Variants in GRM7 observed in about 807,000 individuals in gnomAD.
GRM7 encodes metabotropic glutamate receptor 7.
A neutral mutation model predicts 84.5 loss-of-function variants in GRM7; 35 were observed. The ratio of observed to expected loss-of-function variants is 0.41; its 90% CI spans 0.32 to 0.55. GRM7 has a LOEUF of 0.55. Among genes scored for constraint, GRM7 ranks in the 20% least tolerant of loss-of-function variants. The pLI is 0.19. For missense variants in GRM7, 1,003 were observed against 1,194.6 expected (o/e 0.84, Z 2.36); for synonymous variants, 487 against 455.1 (o/e 1.07, Z -0.89).
chr3:7,273,013 G>C (rs1185346473), intron 2 of GRM7, among the ~76,000 whole-genome samples: 1 of 151,748 alleles, frequency 6.6e-6, no homozygotes, highest in Non-Finnish European at 1.5e-5. Flanking sequence ...GACTGTGTTA[G>C]CTTCATCCCA....
At chr3:7,379,240 T>A (rs1013955281) in intron 4 of GRM7, among the ~76,000 whole-genome samples, 2 of 151,906 alleles carry the variant, frequency 1.3e-5, no homozygotes, top group African/African-American at 4.8e-5. Context: ...GCCAAGCTAA[T>A]TTTTTTTGTA....
chr3:7,636,260 G>A (rs1411138572), intron 8 of GRM7: 3 of 456,600 alleles, frequency 6.6e-6, no homozygotes, highest in Non-Finnish European at 1.3e-5. Flanking sequence ...CAGGTCTCAG[G>A]CTTTCCCTGA....
At chr3:7,056,025 T>C (rs1015595576) in intron 1 of GRM7, among the ~76,000 whole-genome samples, 2 of 151,926 alleles carry the variant, frequency 1.3e-5, no homozygotes, top group African/African-American at 4.8e-5. Context: ...ATTCACAGTT[T>C]ATTGTGAGGC....
At chr3:7,218,891 G>A (rs1696703137) in intron 2 of GRM7, among the ~76,000 whole-genome samples, 1 of 151,988 alleles carries the variant, frequency 6.6e-6, no homozygotes, top group Non-Finnish European at 1.5e-5. Context: ...TGGGGTACAA[G>A]TAGTTTGTGA....
rs1697351098 is a variant in GRM7, at chr3:6,927,498, A to AAAGAAAG, written c.519+65594_519+65600dup. Among the ~76,000 whole-genome samples, 2 of 150,500 alleles carry AAAGAAAG rather than the reference A, an allele frequency of 1.3e-5. 1 individual carries two copies. Among genetic ancestry groups the AAAGAAAG allele is most frequent in the South Asian group, 4.2e-4 (2 of 4,794 alleles). ...GAAAGAAAGAAAGAAAGAAAGAAAG[A>AAAGAAAG]AAGAAAGAAAGAAAGAAAGAAGAGA... On this transcript the variant is annotated intron_variant, in intron 1 of 9. Transcript: ENST00000357716.
chr3:7,632,441 G>C (rs576746539), intron 8 of GRM7, among the ~76,000 whole-genome samples: 2 of 152,264 alleles, frequency 1.3e-5, no homozygotes, highest in East Asian at 3.9e-4. Context: ...TCAATATGGG[G>C]AAATTAATGT....
chr3:7,642,594 T>C (rs1698416469), intron 8 of GRM7, among the ~76,000 whole-genome samples: 1 of 152,148 alleles, frequency 6.6e-6, no homozygotes, highest in African/African-American at 2.4e-5. Flanking sequence ...CGGGACTGTA[T>C]TAACCACGTG....
intron 5 of GRM7, among the ~76,000 whole-genome samples, chr3:7,419,428 G>A (rs768627351): frequency 1.3e-5 from 2 of 152,124 alleles, no homozygotes; most frequent in Non-Finnish European, 2.9e-5. Context: ...CTGAGGAGCT[G>A]TGTCCTTACA....
At chr3:7,512,898 G>T (rs936461682) in intron 7 of GRM7, among the ~76,000 whole-genome samples, 1 of 152,110 alleles carries the variant, frequency 6.6e-6, no homozygotes, top group African/African-American at 2.4e-5. Context: ...GACACCCAAT[G>T]CCAGGTTTTA....
chr3:6,937,640 C>A (rs1249260603), intron 1 of GRM7, among the ~76,000 whole-genome samples: 1 of 152,190 alleles, frequency 6.6e-6, no homozygotes, highest in Non-Finnish European at 1.5e-5. Flanking sequence ...AAGTGGTCAT[C>A]TTAATTCAAC....
intron 1 of GRM7, among the ~76,000 whole-genome samples, chr3:6,986,952 GA>G (rs1694435449): frequency 6.6e-6 from 1 of 152,192 alleles, no homozygotes; most frequent in Admixed American, 6.5e-5. Flanking sequence ...ATGAAGGAAG[GA>G]AGGAAGAAAT....
intron 9 of GRM7, among the ~76,000 whole-genome samples, chr3:7,724,564 A>G (rs1049454684): frequency 1.3e-5 from 2 of 152,238 alleles, no homozygotes; most frequent in African/African-American, 2.4e-5. Flanking sequence ...GGAAGCAGAT[A>G]AGGACAACAC....
chr3:7,600,640 G>T (rs1696265315), intron 8 of GRM7, among the ~76,000 whole-genome samples: 1 of 152,064 alleles, frequency 6.6e-6, no homozygotes, highest in Non-Finnish European at 1.5e-5. Context: ...TCATAAAATG[G>T]ATTTTTAACA....
chr3:7,176,403 C>A (rs1197476600), intron 2 of GRM7, among the ~76,000 whole-genome samples: 2 of 151,800 alleles, frequency 1.3e-5, no homozygotes, highest in Non-Finnish European at 2.9e-5. Context: ...GGTGACAGAG[C>A]AAGACCCTGT....
chr3:7,353,310 G>A (rs1693242698), intron 4 of GRM7, among the ~76,000 whole-genome samples: 1 of 152,096 alleles, frequency 6.6e-6, no homozygotes, highest in African/African-American at 2.4e-5. Flanking sequence ...TAACCTGTGT[G>A]GGAATGGTAG....
chr3:7,627,901 A>G (rs1027105966), intron 8 of GRM7, among the ~76,000 whole-genome samples: 3 of 152,132 alleles, frequency 2.0e-5, no homozygotes, highest in Non-Finnish European at 4.4e-5. Flanking sequence ...TAACTCAATT[A>G]CCTTTTAAAA....
At chr3:7,696,699 A>G (rs1331667863) in intron 9 of GRM7, among the ~76,000 whole-genome samples, 1 of 152,174 alleles carries the variant, frequency 6.6e-6, no homozygotes. Flanking sequence ...TTTTCTGTGC[A>G]TGGTTAGCCC....
In GRM7 at chr3:7,400,717, C is replaced by T. The variant is rs564895806; in HGVS notation, c.1034-14306C>T. Reference sequence around the variant, plus strand: ...TTCATCTCTGAAATCCTGTAACTTTCATAGGCTATCTTTGAGTTTTTAGAT... The same window carrying T: ...TTCATCTCTGAAATCCTGTAACTTTTATAGGCTATCTTTGAGTTTTTAGAT... On this transcript the variant is annotated intron_variant, in intron 4 of 9. Coordinates refer to ENST00000357716, the MANE Select transcript of GRM7 (RefSeq NM_000844.4). Among the ~76,000 whole-genome samples the T allele has an allele frequency of 1.2e-4, 18 of 152,258 alleles. No homozygotes were observed. In the South Asian group the frequency reaches 3.5e-3, roughly 30 times the overall value.
chr3:7,696,590 A>C (rs1003080509), intron 9 of GRM7, among the ~76,000 whole-genome samples: 2 of 152,182 alleles, frequency 1.3e-5, no homozygotes, highest in Non-Finnish European at 2.9e-5. Flanking sequence ...TAAACAGAAC[A>C]CTTCCAAGCA....
Sources: gnomAD v4.1 joint callset for allele counts (sites outside exome capture counted in the v4.1 genomes callset) on GRCh38, gnomAD v4.1.1 for gene constraint, MANE v1.5 for transcripts, NCBI Gene and HGNC (gene_info 2026-07-23, HGNC 2026-07-21) for gene names.